MCAM: variants seen among roughly 807,000 people sequenced by gnomAD.
MCAM encodes melanoma cell adhesion molecule, also known as cell surface glycoprotein MUC18.
In MCAM, 55 loss-of-function variants were observed where a neutral mutation model predicts 79.1. The ratio of observed to expected loss-of-function variants is 0.70; its 90% CI spans 0.56 to 0.87. The LOEUF is 0.87. Among genes scored for constraint, MCAM ranks in the 40% least tolerant of loss-of-function variants. The probability of loss-of-function intolerance (pLI) is 0.00; values close to 1 mark genes in which losing one functional copy is unlikely to be tolerated. For synonymous variants in MCAM, 330 were observed against 339.8 expected (o/e 0.97, Z 0.32); for missense variants, 745 against 839.8 (o/e 0.89, Z 1.40).
chr11:119,309,535 C>G lies in MCAM; in HGVS notation c.*351G>C, dbSNP rs1165702108. ...GGGGCAGGAAACCAGCTCAGAGAGG[C>G]TACCCAGCTCAGCTGCTGGCAGGAG... On this transcript the variant is annotated 3_prime_UTR_variant, in exon 16 of 16. Transcript: ENST00000264036. 1 of 320,192 alleles carries G rather than the reference C, an allele frequency of 3.1e-6. No individual in the cohort carries two copies. Among genetic ancestry groups the G allele is most frequent in the Admixed American group, 4.6e-5 (1 of 21,616 alleles). The allele number at this position is 320,192 out of a possible 1,614,324, so 19.8% of individuals were successfully genotyped here.
At position 119,316,795 on chromosome 11, in the gene MCAM, A is replaced by G; in HGVS notation, c.67+240T>C. ...CTGAGCTCCACCCCTTCTCGTTCCC[A>G]GAAGCAGCCTCCTCCCCGCCTTCCG... On this transcript the variant is annotated intron_variant, in intron 1 of 15. Transcript: ENST00000264036. The surrounding 1 kb of genome is among the most constrained non-coding windows in gnomAD (Gnocchi z 4.8). The G allele has an allele frequency of 2.0e-6, 1 of 501,506 alleles. No individual in the cohort carries two copies. The highest frequency in any genetic ancestry group is 3.5e-6 in the Non-Finnish European group (1 of 282,280). 31.1% of individuals were successfully genotyped at this position (501,506 alleles called of 1,614,324 possible).
In MCAM at chr11:119,311,409, C is replaced by T. The variant is rs780595710; in HGVS notation, c.1420G>A (p.Asp474Asn). The change falls in exon 12 of 16, where the codon GAC becomes AAC. Residue 474 changes from aspartate to asparagine, a missense_variant. Transcript: ENST00000264036. This position sits in a 1 kb window ranked among gnomAD's most constrained non-coding sequence, Gnocchi z 4.4. Reference protein sequence around the residue: ...WNVNGTASEQDQDPQRVLSTL... With the variant: ...WNVNGTASEQNQDPQRVLSTL... Reference sequence around the variant, plus strand: ...CTCAGGACTCGCTGTGGATCTTGGTCTTGTTCACTTGCCTGCGAGGAAAGG... The same window carrying T: ...CTCAGGACTCGCTGTGGATCTTGGTTTTGTTCACTTGCCTGCGAGGAAAGG... The T allele has an allele frequency of 1.9e-6, 3 of 1,614,096 alleles. No homozygotes were observed. The highest frequency in any genetic ancestry group is 2.5e-6 in the Non-Finnish European group (3 of 1,180,006).
At position 119,309,635 on chromosome 11, in the gene MCAM, C is replaced by G. The variant is rs1950197397; in HGVS notation, c.*251G>C. 1.1e-5 allele frequency: 6 copies of G among 550,770 alleles called. No individual in the cohort carries two copies. The highest frequency in any genetic ancestry group is 1.9e-5 in the Non-Finnish European group (6 of 310,048). The allele number at this position is 550,770 out of a possible 1,614,324, so 34.1% of individuals were successfully genotyped here. ...GAAACTCTCCTACCCGCTCGGGAGA[C>G]TGGGGCTCCTTGCTTGGGATGAGCT... On this transcript the variant is annotated 3_prime_UTR_variant, in exon 16 of 16. Transcript: ENST00000264036.
Position 119,315,240 on chromosome 11 carries a change from G to T in MCAM, c.91C>A (p.Pro31Thr), listed in dbSNP as rs1950295031. ...VAGVPGEAEQ[P>T]APELVEVEVG... Reference sequence around the variant, plus strand: ...TCCACCTCCACCAGCTCAGGCGCAGGCTGCTCAGCCTCTCCGGGCACACCT... The same window carrying T: ...TCCACCTCCACCAGCTCAGGCGCAGTCTGCTCAGCCTCTCCGGGCACACCT... Residue 31 changes from proline to threonine, a missense_variant, in exon 2 of 16, where the codon CCT becomes ACT. Coordinates refer to ENST00000264036, the MANE Select transcript of MCAM (RefSeq NM_006500.3). The surrounding 1 kb of genome is among the most constrained non-coding windows in gnomAD (Gnocchi z 4.4). The T allele has an allele frequency of 6.2e-7, 1 of 1,611,468 alleles. No individual in the cohort carries two copies. The highest frequency in any genetic ancestry group is 8.5e-7 in the Non-Finnish European group (1 of 1,179,890).
intron 5 of MCAM, chr11:119,313,632 C>T (rs1466269662): frequency 3.9e-6 from 1 of 257,726 alleles, no homozygotes; most frequent in African/African-American, 2.2e-5. Flanking sequence ...AACTCCCGAC[C>T]TCAGGTGATC....
At position 119,309,261 on chromosome 11, in the gene MCAM, A is replaced by G. The variant is rs182206617; in HGVS notation, c.*625T>C. On this transcript the variant is annotated 3_prime_UTR_variant, in exon 16 of 16. Coordinates refer to ENST00000264036, the MANE Select transcript of MCAM (RefSeq NM_006500.3). ...GCTGGGATTACAGGCGTGAGCCACC[A>G]CACCTGGCCCCGGCACGTATCTTTT... 1.7e-3 allele frequency: 258 copies of G among 152,936 alleles called. No homozygotes were observed. Among genetic ancestry groups the G allele is most frequent in the East Asian group, 9.7e-3 (50 of 5,172 alleles). The allele number at this position is 152,936 out of a possible 1,614,324, so 9.5% of individuals were successfully genotyped here. A position where few individuals can be genotyped will look rare whatever the true frequency, so the allele number is the denominator to read the frequency against.
rs1261006925 is a variant in MCAM, at chr11:119,316,519, C to A, written c.67+516G>T. The A allele has an allele frequency of 6.5e-6, 1 of 154,526 alleles. No homozygotes were observed. Among genetic ancestry groups the A allele is most frequent in the East Asian group, 1.9e-4 (1 of 5,220 alleles). The allele number at this position is 154,526 out of a possible 1,614,324, so 9.6% of individuals were successfully genotyped here. On this transcript the variant is annotated intron_variant, in intron 1 of 15. Coordinates refer to ENST00000264036, the MANE Select transcript of MCAM (RefSeq NM_006500.3). This position sits in a 1 kb window ranked among gnomAD's most constrained non-coding sequence, Gnocchi z 4.8. The stretch of plus-strand genomic sequence containing the variant: ...CACCGCCCCGCAACCCCTGCCAACG[C>A]CCAGCTCGGGCGGGAGCCGCCGAAC...
intron 15 of MCAM, 92 bp downstream of exon 15, chr11:119,310,255 CAA>C (rs1450124135): frequency 2.3e-6 from 2 of 879,562 alleles, no homozygotes; most frequent in African/African-American, 1.7e-5. Context: ...CTATCTCTGA[CAA>C]AGAGGGATGA....
At position 119,310,866 on chromosome 11, in the gene MCAM, G is replaced by A; in HGVS notation, c.1683C>T (p.Val561=). The A allele has an allele frequency of 6.2e-7, 1 of 1,614,174 alleles. No homozygotes were observed. The highest frequency in any genetic ancestry group is 8.5e-7 in the Non-Finnish European group (1 of 1,180,040). Residue 561 remains valine (V), a synonymous_variant, in exon 14 of 16, where the codon GTC becomes GTT. Coordinates refer to ENST00000264036, the MANE Select transcript of MCAM (RefSeq NM_006500.3). ...KLPEPESRGV[V]IVAVIVCILV... ...GGATGCACACAATCACAGCCACGATGACCACGCCCCGGCTCTCCGGCTCCG... is the reference window on the plus strand; with the variant it reads ...GGATGCACACAATCACAGCCACGATAACCACGCCCCGGCTCTCCGGCTCCG...
In MCAM at chr11:119,308,729, C is replaced by G. The variant is rs537962781; in HGVS notation, c.*1157G>C. 1 of 152,238 alleles carries G rather than the reference C, an allele frequency of 6.6e-6. No homozygotes were observed. Among genetic ancestry groups the G allele is most frequent in the African/African-American group, 2.4e-5 (1 of 41,546 alleles). 9.4% of individuals were successfully genotyped at this position (152,238 alleles called of 1,614,324 possible). The stretch of plus-strand genomic sequence containing the variant: ...GTTTTCCATCCCTAAGTACCATTCT[C>G]TCATTTGGGCCCTTCTAGGGTTGGG... On this transcript the variant is annotated 3_prime_UTR_variant, in exon 16 of 16. Transcript: ENST00000264036.
intron 5 of MCAM, chr11:119,313,926 A>G (rs1486349421): frequency 2.1e-6 from 2 of 947,084 alleles, no homozygotes; most frequent in Non-Finnish European, 2.5e-6. Flanking sequence ...ACAGAAGCCT[A>G]TATCATTCTA....
intron 15 of MCAM, 84 bp from the exon 16 acceptor site, chr11:119,309,999 A>G: frequency 8.4e-7 from 1 of 1,184,264 alleles, no homozygotes; most frequent in Non-Finnish European, 1.2e-6. Context: ...GAGAGATGGA[A>G]GCAGAAGCCG....
chr11:119,310,645 G>A, intron 14 of MCAM, 111 bp downstream of exon 14: 2 of 1,258,376 alleles, frequency 1.6e-6, no homozygotes, highest in South Asian at 1.3e-5. Flanking sequence ...GGAGCAGGCA[G>A]CACCCTGACC....
rs1463361591 is a variant in MCAM at position 119,316,521 on chromosome 11, C to T, written c.67+514G>A. The T allele has an allele frequency of 6.5e-6, 1 of 154,536 alleles. No homozygotes were observed. Among genetic ancestry groups the T allele is most frequent in the Non-Finnish European group, 1.4e-5 (1 of 69,510 alleles). The allele number at this position is 154,536 out of a possible 1,614,324, so 9.6% of individuals were successfully genotyped here. A position where few individuals can be genotyped will look rare whatever the true frequency, so the allele number is the denominator to read the frequency against. On this transcript the variant is annotated intron_variant, in intron 1 of 15. Coordinates refer to ENST00000264036, the MANE Select transcript of MCAM (RefSeq NM_006500.3). This position sits in a 1 kb window ranked among gnomAD's most constrained non-coding sequence, Gnocchi z 4.8. ...CCGCCCCGCAACCCCTGCCAACGCCCAGCTCGGGCGGGAGCCGCCGAACCT... is the reference window on the plus strand; with the variant it reads ...CCGCCCCGCAACCCCTGCCAACGCCTAGCTCGGGCGGGAGCCGCCGAACCT...
chr11:119,309,578 T>G lies in MCAM; in HGVS notation c.*308A>C. 1 of 437,612 alleles carries G rather than the reference T, an allele frequency of 2.3e-6. No individual in the cohort carries two copies. The highest frequency in any genetic ancestry group is 4.1e-6 in the Non-Finnish European group (1 of 241,162). The allele number at this position is 437,612 out of a possible 1,614,324, so 27.1% of individuals were successfully genotyped here. ...GGCAGGAGCCAGGTATTTACAGCCA[T>G]AATGTGTGTAAAGAAAAAACACGTT... On this transcript the variant is annotated 3_prime_UTR_variant, in exon 16 of 16. Transcript: ENST00000264036.
chr11:119,314,393 A>G, intron 5 of MCAM, 96 bp downstream of exon 5: 1 of 1,099,516 alleles, frequency 9.1e-7, no homozygotes, highest in Non-Finnish European at 1.4e-6. Flanking sequence ...TCACCTCCAG[A>G]GATCCTCCTG....
Position 119,308,585 on chromosome 11 carries a change from A to T in MCAM, c.*1301T>A, listed in dbSNP as rs2135330100. The T allele has an allele frequency of 6.6e-6, 1 of 151,086 alleles. No individual in the cohort carries two copies. Among genetic ancestry groups the T allele is most frequent in the South Asian group, 2.1e-4 (1 of 4,806 alleles). 9.4% of individuals were successfully genotyped at this position (151,086 alleles called of 1,614,324 possible). A position where few individuals can be genotyped will look rare whatever the true frequency, so the allele number is the denominator to read the frequency against. On this transcript the variant is annotated 3_prime_UTR_variant, in exon 16 of 16. Coordinates refer to ENST00000264036, the MANE Select transcript of MCAM (RefSeq NM_006500.3). ...TATATATATATTTTCATATATATAT[A>T]TACATACATATATAAAGGAAACAAT...
rs1485700615 is a variant in MCAM at position 119,311,258 on chromosome 11, C to G, written c.1549+22G>C. ...GTGCCTGGGCCTGCCCCTGCCATCCCCTGCAGGGATGCAGCCCTCACCCAG... is the reference window on the plus strand; with the variant it reads ...GTGCCTGGGCCTGCCCCTGCCATCCGCTGCAGGGATGCAGCCCTCACCCAG... On this transcript the variant is annotated intron_variant, in intron 12 of 15. Transcript: ENST00000264036. This position sits in a 1 kb window ranked among gnomAD's most constrained non-coding sequence, Gnocchi z 4.4. The G allele has an allele frequency of 6.2e-7, 1 of 1,613,970 alleles. No homozygotes were observed. The highest frequency in any genetic ancestry group is 8.5e-7 in the Non-Finnish European group (1 of 1,179,838).
At position 119,309,869 on chromosome 11, in the gene MCAM, G is replaced by A. The variant is rs754780609; in HGVS notation, c.*17C>T. 9 of 1,595,954 alleles carry A rather than the reference G, an allele frequency of 5.6e-6. No homozygotes were observed. The highest frequency in any genetic ancestry group is 6.8e-6 in the Non-Finnish European group (8 of 1,170,520). On this transcript the variant is annotated 3_prime_UTR_variant, in exon 16 of 16. Transcript: ENST00000264036. ...GGGAATGGTCCAGGCAGGGAAGGGA[G>A]CTGAAGTGATTCGGGGCTAATGCCT...
Sources: allele counts gnomAD v4.1 joint callset, GRCh38; gene constraint gnomAD v4.1.1; non-coding constraint Gnocchi (gnomAD v3.1); transcripts MANE v1.5; gene names NCBI Gene and HGNC (gene_info 2026-07-23, HGNC 2026-07-21).